FCHSD2: variants seen among roughly 807,000 people sequenced by gnomAD.
FCHSD2 encodes the protein F-BAR and double SH3 domains protein 2.
A neutral mutation model predicts 108.1 loss-of-function variants in FCHSD2; 38 were observed. That is an observed-to-expected ratio of 0.35 (90% CI 0.27 to 0.46). FCHSD2 has a LOEUF of 0.46. Ranked by LOEUF, FCHSD2 falls within the 20% of genes least tolerant of loss-of-function variation. The pLI is 1.00. For missense variants in FCHSD2, 751 were observed against 897.8 expected (o/e 0.84, Z 2.09); for synonymous variants, 279 against 314.7 (o/e 0.89, Z 1.20).
At chr11:73,131,336 T>A (rs145970411) in intron 2 of FCHSD2, among the ~76,000 whole-genome samples, 3,800 of 139,958 alleles carry the variant, frequency 0.027, 108 homozygotes, top group Non-Finnish European at 0.031. Flanking sequence ...GCTAACACGG[T>A]GAAACCCCCT....
rs761582611 is a variant in FCHSD2, at chr11:73,000,994, T to C, written c.383A>G (p.Lys128Arg). 2.5e-6 allele frequency: 4 copies of C among 1,604,620 alleles called. No individual in the cohort carries two copies. The South Asian group carries it at 4.5e-5, about 18-fold the overall frequency. Reference protein sequence around the residue: ...TVRSLKEQQLKRCVDQLTKIQ... With the variant: ...TVRSLKEQQLRRCVDQLTKIQ... ...GAACAGAAATAAAAACAATACCCTTTTTAGTTGCTGTTCTTTTAAGCTTCT... is the reference window on the plus strand; with the variant it reads ...GAACAGAAATAAAAACAATACCCTTCTTAGTTGCTGTTCTTTTAAGCTTCT... Residue 128 changes from lysine to arginine, a missense_variant, in exon 5 of 20, where the codon AAA (lysine) becomes AGA (arginine). Coordinates refer to ENST00000409418, the MANE Select transcript of FCHSD2 (RefSeq NM_014824.3).
chr11:73,052,038 T>C lies in FCHSD2; in HGVS notation c.165+31657A>G, dbSNP rs1192381337. On this transcript the variant is annotated intron_variant, in intron 3 of 19. Coordinates refer to ENST00000409418, the MANE Select transcript of FCHSD2 (RefSeq NM_014824.3). ...ATAGTCTGATGAATTCAGGAACTGG[T>C]TAATGACATGGAAGACCAATTCACA... Among the ~76,000 whole-genome samples the C allele has an allele frequency of 2.2e-4, 33 of 152,262 alleles. 1 individual carries two copies. The highest frequency in any genetic ancestry group is 4.4e-5 in the Non-Finnish European group (3 of 68,010).
At chr11:72,897,316 G>T (rs1013414408) in intron 10 of FCHSD2, among the ~76,000 whole-genome samples, 21 of 87,590 alleles carry the variant, frequency 2.4e-4, no homozygotes, top group African/African-American at 8.0e-4. Context: ...TTTTTAAAAA[G>T]AGTAAAAAAA....
Position 73,115,436 on chromosome 11 carries a change from G to A in FCHSD2, c.119+24595C>T, listed in dbSNP as rs1350224697. ...CTGACGTTTGGCCTCCCAAAGTGCT[G>A]TGAGCCACTGCGCCCGCCCTATCTC... On this transcript the variant is annotated intron_variant, in intron 2 of 19. Transcript: ENST00000409418. Among the ~76,000 whole-genome samples the A allele has an allele frequency of 2.6e-5, 4 of 152,312 alleles. No homozygotes were observed. In the East Asian group the frequency reaches 5.8e-4, roughly 22 times the overall value.
chr11:73,124,309 A>G (rs1860803210), intron 2 of FCHSD2, among the ~76,000 whole-genome samples: 2 of 152,310 alleles, frequency 1.3e-5, no homozygotes, highest in South Asian at 4.1e-4. Flanking sequence ...TACCTAATGT[A>G]AATGACGAGT....
chr11:73,002,644 GA>G (rs1285090677), intron 4 of FCHSD2, among the ~76,000 whole-genome samples: 1 of 152,000 alleles, frequency 6.6e-6, no homozygotes, highest in Admixed American at 6.6e-5. Flanking sequence ...GGAAGAAAGA[GA>G]GGAAGGGAGA....
chr11:73,047,411 T>C (rs1591511501), intron 3 of FCHSD2, among the ~76,000 whole-genome samples: 1 of 152,292 alleles, frequency 6.6e-6, no homozygotes, highest in East Asian at 1.9e-4. Flanking sequence ...AAAAGCATGA[T>C]TTGTACTTGG....
At chr11:72,880,217 C>T (rs1400968740) in intron 12 of FCHSD2, among the ~76,000 whole-genome samples, 1 of 151,834 alleles carries the variant, frequency 6.6e-6, no homozygotes, top group Non-Finnish European at 1.5e-5. Context: ...AAAACGAATC[C>T]ATGTGCAATT....
chr11:72,914,890 TAATAAAACTTAAGAGCTTCTGCACAGCAA>T (rs1855840204), intron 9 of FCHSD2, among the ~76,000 whole-genome samples: 1 of 149,116 alleles, frequency 6.7e-6, no homozygotes, highest in Non-Finnish European at 1.5e-5. Context: ...AAATGGGATC[TAATAAAACTTAAGAGCTTCTGCACAGCAA>T]AATAAACTAT....
intron 8 of FCHSD2, among the ~76,000 whole-genome samples, chr11:72,966,644 T>C (rs1196830596): frequency 6.6e-6 from 1 of 152,184 alleles, no homozygotes; most frequent in Non-Finnish European, 1.5e-5. Context: ...CAGATATATA[T>C]GTCAGTTACT....
intron 2 of FCHSD2, among the ~76,000 whole-genome samples, chr11:73,124,616 C>T (rs1860811016): frequency 6.6e-6 from 1 of 152,056 alleles, no homozygotes; most frequent in East Asian, 1.9e-4. Flanking sequence ...ATTAGCTGGG[C>T]ATGATGGCGT....
At chr11:72,890,004 G>T (rs1855281171) in intron 10 of FCHSD2, 59 bp from the exon 11 acceptor site, 1 of 1,045,802 alleles carries the variant, frequency 9.6e-7, no homozygotes, top group Non-Finnish European at 1.5e-6. Flanking sequence ...AACCACTACT[G>T]CTTTGTAGAT....
chr11:72,940,489 T>G, intron 8 of FCHSD2: 1 of 729,464 alleles, frequency 1.4e-6, no homozygotes, highest in Middle Eastern at 4.0e-4. Context: ...AGCCATCAGG[T>G]AAGCCAAGAT....
intron 9 of FCHSD2, among the ~76,000 whole-genome samples, chr11:72,903,241 G>A (rs1196776101): frequency 2.0e-5 from 3 of 151,540 alleles, no homozygotes; most frequent in African/African-American, 4.9e-5. Context: ...TTTTTGAGAC[G>A]AGTCTCGCTC....
chr11:72,928,692 C>T (rs1462562713), intron 8 of FCHSD2, among the ~76,000 whole-genome samples: 5 of 152,084 alleles, frequency 3.3e-5, no homozygotes, highest in Admixed American at 6.5e-5. Context: ...TGAGAGGAGG[C>T]CCAAGTGATC....
intron 3 of FCHSD2, among the ~76,000 whole-genome samples, chr11:73,077,278 T>C (rs1039605187): frequency 1.6e-4 from 25 of 152,042 alleles, no homozygotes; most frequent in African/African-American, 4.3e-4. Flanking sequence ...CACCACAGAA[T>C]ATATACAGAT....
intron 16 of FCHSD2, 114 bp downstream of exon 16, chr11:72,843,037 A>G (rs1861011436): frequency 1.9e-6 from 2 of 1,057,784 alleles, no homozygotes; most frequent in Non-Finnish European, 1.4e-6. Flanking sequence ...AAAGAAAAGC[A>G]TATTATAGGA....
chr11:73,134,454 G>C (rs1287718399), intron 2 of FCHSD2, among the ~76,000 whole-genome samples: 1 of 151,910 alleles, frequency 6.6e-6, no homozygotes, highest in Non-Finnish European at 1.5e-5. Context: ...TGGGTGACAG[G>C]GCGAGACCCT....
chr11:72,838,472 C>G lies in FCHSD2; in HGVS notation c.*319G>C. On this transcript the variant is annotated 3_prime_UTR_variant, in exon 20 of 20. Coordinates refer to ENST00000409418, the MANE Select transcript of FCHSD2 (RefSeq NM_014824.3). ...TGATCAGTAATTTAGGGACTGTGCC[C>G]TGGAATGAGGCCTGTTCTTGAGTCT... 2.6e-6 allele frequency: 1 copy of G among 387,820 alleles called. No homozygotes were observed. The highest frequency in any genetic ancestry group is 4.8e-6 in the Non-Finnish European group (1 of 206,902). 24.0% of individuals were successfully genotyped at this position (387,820 alleles called of 1,614,324 possible).
Sources: gnomAD v4.1 joint callset for allele counts (sites outside exome capture counted in the v4.1 genomes callset) on GRCh38, gnomAD v4.1.1 for gene constraint, MANE v1.5 for transcripts, NCBI Gene and HGNC (gene_info 2026-07-23, HGNC 2026-07-21) for gene names.